BCL2: variants seen among roughly 807,000 people sequenced by gnomAD.
BCL2 encodes the protein BCL2 apoptosis regulator.
BCL2 carries 1 observed loss-of-function variant against 14.2 expected under a neutral mutation model. That is an observed-to-expected ratio of 0.07 (90% CI 0.02 to 0.33). The LOEUF (loss-of-function observed/expected upper bound fraction) is 0.33. BCL2 is among the 10% of genes least tolerant of loss of function. BCL2 has a pLI of 0.99. For synonymous variants in BCL2, 151 were observed against 137.2 expected (o/e 1.10, Z -0.70); for missense variants, 247 against 305.9 (o/e 0.81, Z 1.44).
intron 2 of BCL2, among the ~76,000 whole-genome samples, chr18:63,224,074 G>A (rs1568239186): frequency 6.6e-6 from 1 of 152,136 alleles, no homozygotes; most frequent in African/African-American, 2.4e-5. Context: ...ATTTATAGAT[G>A]AAAAGAGGAA....
At chr18:63,302,301 CAAA>C (rs529283406) in intron 2 of BCL2, 76 of 825,652 alleles carry the variant, frequency 9.2e-5, no homozygotes, top group East Asian at 4.0e-4. Context: ...AACTCCTTCT[CAAA>C]AAAAAAAAAA....
intron 2 of BCL2, among the ~76,000 whole-genome samples, chr18:63,145,838 A>G (rs1914497373): frequency 6.6e-6 from 1 of 152,168 alleles, no homozygotes; most frequent in Admixed American, 6.5e-5. Context: ...ATGCACAGTG[A>G]CTATAAGCTC....
At chr18:63,199,948 A>ATG (rs1909643175) in intron 2 of BCL2, among the ~76,000 whole-genome samples, 1 of 151,752 alleles carries the variant, frequency 6.6e-6, no homozygotes, top group African/African-American at 2.4e-5. Context: ...ACACACACAC[A>ATG]CGCACACACA....
At chr18:63,290,289 T>C (rs751547932) in intron 2 of BCL2, among the ~76,000 whole-genome samples, 1 of 152,074 alleles carries the variant, frequency 6.6e-6, no homozygotes, top group Non-Finnish European at 1.5e-5. Flanking sequence ...TAAGCAGAAC[T>C]GGAATTTGCA....
At chr18:63,313,025 A>G (rs550730051) in intron 2 of BCL2, among the ~76,000 whole-genome samples, 2 of 152,358 alleles carry the variant, frequency 1.3e-5, no homozygotes, top group African/African-American at 4.8e-5. Flanking sequence ...CCTAATGCAC[A>G]CATGAACAGC....
At chr18:63,205,423 C>CA (rs1459090396) in intron 2 of BCL2, among the ~76,000 whole-genome samples, 1 of 152,140 alleles carries the variant, frequency 6.6e-6, no homozygotes, top group Admixed American at 6.5e-5. Flanking sequence ...AAAAAATAAA[C>CA]AAAAACATTC....
chr18:63,249,584 ACT>A (rs762980488), intron 2 of BCL2, among the ~76,000 whole-genome samples: 25 of 151,794 alleles, frequency 1.6e-4, no homozygotes, highest in Non-Finnish European at 3.4e-4. Flanking sequence ...GTGGTGCGTG[ACT>A]GTAGCTCCAG....
chr18:63,143,007 G>C (rs12457831), intron 2 of BCL2, among the ~76,000 whole-genome samples: 17,958 of 152,214 alleles, frequency 0.12, 1,400 homozygotes, highest in East Asian at 0.37. Context: ...GTTAGTACCA[G>C]GACAGGTAAA....
chr18:63,179,386 C>A (rs1014178327), intron 2 of BCL2, among the ~76,000 whole-genome samples: 1 of 152,208 alleles, frequency 6.6e-6, no homozygotes, highest in Non-Finnish European at 1.5e-5. Flanking sequence ...TACATTCCAG[C>A]CCCCGAAAAG....
At chr18:63,302,881 T>C in intron 2 of BCL2, 1 of 985,352 alleles carries the variant, frequency 1.0e-6, no homozygotes, top group Non-Finnish European at 1.2e-6. Flanking sequence ...CACTGTGCTG[T>C]TCTGGGCCAA....
chr18:63,188,992 TC>T (rs1386584262), intron 2 of BCL2, among the ~76,000 whole-genome samples: 5 of 100,922 alleles, frequency 5.0e-5, no homozygotes, highest in African/African-American at 1.4e-4. Flanking sequence ...TTTCTTTTTT[TC>T]CCCAAGTTTT....
At chr18:63,260,715 A>C (rs78051622) in intron 2 of BCL2, among the ~76,000 whole-genome samples, 1 of 149,110 alleles carries the variant, frequency 6.7e-6, no homozygotes, top group Admixed American at 6.7e-5. Flanking sequence ...GAAAAAAAAA[A>C]GTGGCCCATG....
chr18:63,222,243 C>CA (rs1196551163), intron 2 of BCL2, among the ~76,000 whole-genome samples: 22 of 137,600 alleles, frequency 1.6e-4, no homozygotes, highest in South Asian at 1.1e-3. Context: ...CACTGCACTC[C>CA]AGCCTGGGCA....
At chr18:63,296,018 A>G (rs1912786539) in intron 2 of BCL2, among the ~76,000 whole-genome samples, 1 of 152,146 alleles carries the variant, frequency 6.6e-6, no homozygotes, top group African/African-American at 2.4e-5. Flanking sequence ...CTCAAAATTC[A>G]GCAAGTCTTA....
chr18:63,280,330 C>T (rs1294725700), intron 2 of BCL2, among the ~76,000 whole-genome samples: 5 of 152,142 alleles, frequency 3.3e-5, no homozygotes, highest in Non-Finnish European at 7.3e-5. Context: ...ATATCTATTT[C>T]TCAGGGTTGT....
At chr18:63,271,133 C>T (rs1911992362) in intron 2 of BCL2, among the ~76,000 whole-genome samples, 1 of 152,188 alleles carries the variant, frequency 6.6e-6, no homozygotes, top group Admixed American at 6.5e-5. Flanking sequence ...AAGAACCATA[C>T]TTTTAAAACA....
intron 2 of BCL2, among the ~76,000 whole-genome samples, chr18:63,146,305 A>G (rs1459450586): frequency 1.3e-5 from 2 of 152,238 alleles, no homozygotes; most frequent in Admixed American, 6.5e-5. Flanking sequence ...GGGCTTGGCC[A>G]TAGCTGCGAG....
chr18:63,215,809 G>C (rs955096141), intron 2 of BCL2, among the ~76,000 whole-genome samples: 9 of 151,964 alleles, frequency 5.9e-5, no homozygotes, highest in Admixed American at 5.2e-4. Context: ...TTTATTTCAG[G>C]GTGGTGAGAT....
chr18:63,185,556 TTATC>T (rs1915575702), intron 2 of BCL2, among the ~76,000 whole-genome samples: 1 of 152,250 alleles, frequency 6.6e-6, no homozygotes, highest in Non-Finnish European at 1.5e-5. Context: ...AAGATGTTTA[TTATC>T]CTTTGCATCT....
Sources: allele counts gnomAD v4.1 joint callset (sites outside exome capture counted in the v4.1 genomes callset), GRCh38; gene constraint gnomAD v4.1.1; transcripts MANE v1.5; gene names NCBI Gene and HGNC (gene_info 2026-07-23, HGNC 2026-07-21).